The following ATP9B variants were observed in gnomAD, a reference collection of about 807,000 sequenced individuals.
ATP9B encodes the protein ATPase phospholipid transporting 9B.
In ATP9B, 110 loss-of-function variants were observed where a neutral mutation model predicts 146.1. The ratio of observed to expected loss-of-function variants is 0.75; its 90% CI spans 0.65 to 0.88. The LOEUF is 0.88. Among genes scored for constraint, ATP9B ranks in the 40% least tolerant of loss-of-function variants. The pLI, the probability that ATP9B is intolerant of heterozygous loss-of-function variation, is 0.00. For missense variants in ATP9B, 1,499 were observed against 1,496.4 expected, an observed-to-expected ratio of 1.00 and a Z score of -0.03; for synonymous variants, 604 against 569.7, an observed-to-expected ratio of 1.06 and a Z score of -0.86.
At chr18:79,149,361 G>T (rs1205364577) in intron 6 of ATP9B, among the ~76,000 whole-genome samples, 2 of 152,008 alleles carry the variant, frequency 1.3e-5, no homozygotes, top group Admixed American at 1.3e-4. Flanking sequence ...TTAGACAAAG[G>T]TGTGAAAACA....
At chr18:79,336,554 G>A in intron 17 of ATP9B, 74 bp from the exon 18 acceptor site, 2 of 1,381,676 alleles carry the variant, frequency 1.4e-6, no homozygotes, top group South Asian at 1.2e-5. Context: ...TCAGAGTGTG[G>A]CACTGCCCTG....
In ATP9B at chr18:79,126,266, G is replaced by C; in HGVS notation, c.559-1G>C. ...TAAAAATACCTTATTTTGTTTTATA[G>C]GGATTTGTCTTGGCTGTTACTATGA... is the stretch of plus-strand genomic sequence containing the variant. On this transcript the variant is annotated splice_acceptor_variant, in intron 4 of 29. Transcript: ENST00000426216. LOFTEE classifies it high-confidence loss of function. 6.2e-7 allele frequency: 1 copy of C among 1,600,742 alleles called. No individual in the cohort carries two copies. Among genetic ancestry groups the C allele is most frequent in the Admixed American group, 1.7e-5 (1 of 58,484 alleles).
chr18:79,220,337 A>T (rs2095665857), intron 11 of ATP9B, among the ~76,000 whole-genome samples: 1 of 152,112 alleles, frequency 6.6e-6, no homozygotes, highest in Non-Finnish European at 1.5e-5. Flanking sequence ...GCAGTGGCTC[A>T]CTCCTGTAAT....
chr18:79,263,823 G>T (rs917959317), intron 12 of ATP9B, among the ~76,000 whole-genome samples: 5 of 152,326 alleles, frequency 3.3e-5, no homozygotes, highest in Admixed American at 6.5e-5. Flanking sequence ...GTTGGCTCAC[G>T]CCTGTAATCC....
intron 8 of ATP9B, among the ~76,000 whole-genome samples, chr18:79,191,622 C>CG (rs2095367465): frequency 6.6e-6 from 1 of 152,162 alleles, no homozygotes; most frequent in African/African-American, 2.4e-5. Context: ...GCAGACATTG[C>CG]ATTTTTTCAA....
intron 11 of ATP9B, among the ~76,000 whole-genome samples, chr18:79,237,243 G>A (rs373322404): frequency 7.8e-4 from 91 of 116,838 alleles, no homozygotes; most frequent in South Asian, 1.9e-3. Context: ...CTGTGTACAC[G>A]GTCCGTGCAC....
At position 79,312,109 on chromosome 18, in the gene ATP9B, GAGGTGCCTTCACAA is replaced by G. The variant is rs919346256; in HGVS notation, c.1773+4886_1773+4899del. On this transcript the variant is annotated intron_variant, in intron 15 of 29. Transcript: ENST00000426216. ...ACCGGTCTGCTCACGCGCCTTCGCC[GAGGTGCCTTCACAA>G]AGGTGCCTTCGCGGAGGTGCTGGTC... 7.9e-5 allele frequency among the ~76,000 whole-genome samples: 12 copies of G among 152,250 alleles called. 1 individual carries two copies. The highest frequency in any genetic ancestry group is 2.4e-4 in the African/African-American group (10 of 41,558).
intron 13 of ATP9B, among the ~76,000 whole-genome samples, chr18:79,293,360 C>T (rs1313257866): frequency 1.3e-5 from 2 of 151,948 alleles, no homozygotes; most frequent in Admixed American, 6.6e-5. Context: ...GAGGTGGGGC[C>T]GTTAAGAGGC....
At chr18:79,193,472 A>T (rs2095388801) in intron 9 of ATP9B, among the ~76,000 whole-genome samples, 2 of 152,202 alleles carry the variant, frequency 1.3e-5, no homozygotes, top group Admixed American at 1.3e-4. Context: ...AATTTTTTTT[A>T]GCATATTTAC....
intron 7 of ATP9B, 106 bp from the exon 8 acceptor site, chr18:79,176,707 C>T (rs1199692108): frequency 2.4e-6 from 2 of 837,498 alleles, no homozygotes; most frequent in Non-Finnish European, 3.8e-6. Flanking sequence ...ATTGTTATTT[C>T]TTTGTCCTAC....
rs1299623619 is a variant in ATP9B, at chr18:79,345,525, T to A, written c.2570T>A (p.Ile857Asn). The change falls in exon 22 of 30, where the codon ATT becomes AAT. Residue 857 changes from isoleucine (I) to asparagine (N), a missense_variant. Transcript: ENST00000426216. ...TGCTCACCCACCCAGAAGGCCCGCA[T>A]TGTGACACTGCTGCAGCAGCACACA... The part of the protein sequence containing the change: ...CRCSPTQKAR[I>N]VTLLQQHTGR... 1 of 1,612,314 alleles carries A rather than the reference T, an allele frequency of 6.2e-7. No homozygotes were observed. The highest frequency in any genetic ancestry group is 1.1e-5 in the South Asian group (1 of 91,080).
intron 7 of ATP9B, among the ~76,000 whole-genome samples, chr18:79,173,361 G>A (rs1245061146): frequency 6.7e-6 from 1 of 149,148 alleles, no homozygotes; most frequent in Non-Finnish European, 1.5e-5. Flanking sequence ...TTTTTAATGG[G>A]TTGTTCCTTT....
chr18:79,275,746 G>A (rs920064685), intron 12 of ATP9B, among the ~76,000 whole-genome samples: 32 of 152,334 alleles, frequency 2.1e-4, no homozygotes, highest in African/African-American at 7.7e-4. Context: ...TTGCAGGGGA[G>A]CTTTGAGTCA....
chr18:79,223,472 C>T (rs138560211), intron 11 of ATP9B, among the ~76,000 whole-genome samples: 2 of 152,198 alleles, frequency 1.3e-5, no homozygotes, highest in East Asian at 3.9e-4. Context: ...CAAAGAGCTA[C>T]ATATTGTAGA....
At chr18:79,253,312 T>A (rs544212162) in intron 11 of ATP9B, 69 bp from the exon 12 acceptor site, 2 of 1,369,134 alleles carry the variant, frequency 1.5e-6, no homozygotes, top group South Asian at 1.5e-5. Flanking sequence ...ATCACTACCA[T>A]GCATTCTGAT....
rs370572724 is a variant in ATP9B, at chr18:79,069,509, G to C, written c.99G>C (p.Pro33=). ...AAYYSAAGPR[P]GADRHSRYQL... ...ACTACAGCGCCGCGGGGCCCAGGCCGGGAGCCGACCGGCACAGCAGGTAAC... is the reference window on the plus strand; with the variant it reads ...ACTACAGCGCCGCGGGGCCCAGGCCCGGAGCCGACCGGCACAGCAGGTAAC... The change falls in exon 1 of 30, where the codon CCG becomes CCC. Residue 33 remains proline, a synonymous_variant. Coordinates refer to ENST00000426216, the MANE Select transcript of ATP9B (RefSeq NM_198531.5). 1.3e-3 allele frequency: 1,906 copies of C among 1,439,370 alleles called. 26 individuals are homozygous for C. In the African/African-American group the frequency reaches 0.025, roughly 19 times the overall value. The allele number at this position is 1,439,370 out of a possible 1,614,324, so 89.2% of individuals were successfully genotyped here. A position where few individuals can be genotyped will look rare whatever the true frequency, so the allele number is the denominator to read the frequency against.
chr18:79,280,322 A>G (rs11664061), intron 13 of ATP9B, among the ~76,000 whole-genome samples: 8,531 of 152,270 alleles, frequency 0.056, 449 homozygotes, highest in African/African-American at 0.14. Flanking sequence ...CAAGCTGTAA[A>G]TAAAAGAAAC....
chr18:79,283,281 G>A (rs932795270), intron 13 of ATP9B, among the ~76,000 whole-genome samples: 14 of 152,134 alleles, frequency 9.2e-5, no homozygotes, highest in Non-Finnish European at 1.5e-4. Flanking sequence ...CTGGTTCTCC[G>A]TATCAGAGGA....
chr18:79,256,282 T>TATATAC (rs1568509015), intron 12 of ATP9B, among the ~76,000 whole-genome samples: 1 of 129,276 alleles, frequency 7.7e-6, no homozygotes, highest in Admixed American at 7.6e-5. Context: ...TATATATATA[T>TATATAC]ATATACATAC....
Sources: allele counts gnomAD v4.1 joint callset (sites outside exome capture counted in the v4.1 genomes callset), GRCh38; gene constraint gnomAD v4.1.1; transcripts MANE v1.5; gene names NCBI Gene and HGNC (gene_info 2026-07-23, HGNC 2026-07-21).